ACYP2: variants seen among roughly 807,000 people sequenced by gnomAD.
The protein encoded by ACYP2 is acylphosphatase-2.
ACYP2 carries 12 observed loss-of-function variants against 11.2 expected under a neutral mutation model. The observed-to-expected ratio is 1.08, with a 90% CI of 0.69 to 1.74. ACYP2 has a LOEUF of 1.74. Among genes scored for constraint, ACYP2 ranks in the 40% most tolerant of loss-of-function variants. The pLI is 0.00. For synonymous variants in ACYP2, 43 were observed against 32.2 expected (o/e 1.33, Z -1.13); for missense variants, 134 against 101.9 (o/e 1.31, Z -1.35).
At chr2:54,302,494 C>G (rs930811650) in intron 6 of ACYP2, among the ~76,000 whole-genome samples, 10 of 152,140 alleles carry the variant, frequency 6.6e-5, no homozygotes, top group Admixed American at 1.3e-4. Context: ...TGGAGAACCC[C>G]CAAAGTACAG....
chr2:54,096,704 G>A (rs933903379), intron 4 of ACYP2, among the ~76,000 whole-genome samples: 6 of 152,280 alleles, frequency 3.9e-5, no homozygotes, highest in South Asian at 2.1e-4. Flanking sequence ...GTGGCGGCGC[G>A]CGCCTGCAAT....
At chr2:54,227,141 T>C (rs1201706541) in intron 6 of ACYP2, among the ~76,000 whole-genome samples, 2 of 152,146 alleles carry the variant, frequency 1.3e-5, no homozygotes, top group Non-Finnish European at 2.9e-5. Flanking sequence ...TATTAGGATA[T>C]ATATAATTTT....
At position 54,255,130 on chromosome 2, in the gene ACYP2, T is replaced by C. The variant is rs758496971; in HGVS notation, c.405-49558T>C. 32 of 1,614,016 alleles carry C rather than the reference T, an allele frequency of 2.0e-5. No individual in the cohort carries two copies. Among genetic ancestry groups the C allele is most frequent in the Non-Finnish European group, 2.5e-5 (29 of 1,180,036 alleles). On this transcript the variant is annotated intron_variant, in intron 6 of 6. Transcript: ENST00000607452. ...GCTGCAGATGACATGTCGGTTCCTA[T>C]GAATGAAGGACTGGGGTCCATGGCC...
At chr2:54,224,622 C>G (rs910682105) in intron 6 of ACYP2, among the ~76,000 whole-genome samples, 2 of 152,348 alleles carry the variant, frequency 1.3e-5, no homozygotes, top group East Asian at 1.9e-4. Flanking sequence ...AACAGGAAGA[C>G]AAGTTCTTAA....
At chr2:53,978,652 G>T (rs189617004) in intron 2 of ACYP2, among the ~76,000 whole-genome samples, 1 of 152,212 alleles carries the variant, frequency 6.6e-6, no homozygotes. Context: ...TTGAGAGACC[G>T]AGGTGGGCAG....
intron 6 of ACYP2, among the ~76,000 whole-genome samples, chr2:54,207,476 G>C (rs1685124835): frequency 6.6e-6 from 1 of 152,114 alleles, no homozygotes; most frequent in Admixed American, 6.6e-5. Context: ...AAATTCAACT[G>C]ATTGTAAATG....
At chr2:54,194,484 C>T (rs1684371954) in intron 6 of ACYP2, among the ~76,000 whole-genome samples, 1 of 151,998 alleles carries the variant, frequency 6.6e-6, no homozygotes, top group African/African-American at 2.4e-5. Context: ...CTTTTTCATC[C>T]AGGAGGCACG....
intron 4 of ACYP2, among the ~76,000 whole-genome samples, chr2:54,122,631 T>A (rs1160906037): frequency 6.6e-6 from 1 of 152,206 alleles, no homozygotes; most frequent in African/African-American, 2.4e-5. Context: ...CATCTACCTT[T>A]TCTTTCTATA....
At chr2:54,267,418 G>T in intron 6 of ACYP2, 1 of 1,465,238 alleles carries the variant, frequency 6.8e-7, no homozygotes, top group Non-Finnish European at 9.2e-7. Context: ...TAAAGTAAGG[G>T]GTGGGAACAG....
intron 4 of ACYP2, among the ~76,000 whole-genome samples, chr2:54,103,861 G>A (rs1679024774): frequency 6.6e-6 from 1 of 152,198 alleles, no homozygotes; most frequent in Non-Finnish European, 1.5e-5. Context: ...GCCAAATAGA[G>A]CAGAATAAGC....
At chr2:54,176,195 A>C (rs1020457403) in intron 6 of ACYP2, among the ~76,000 whole-genome samples, 2 of 152,220 alleles carry the variant, frequency 1.3e-5, no homozygotes, top group Admixed American at 1.3e-4. Context: ...CGTATTTCTT[A>C]GCCTGTTTGA....
intron 6 of ACYP2, among the ~76,000 whole-genome samples, chr2:54,177,798 C>G (rs1162651458): frequency 6.8e-6 from 1 of 147,562 alleles, no homozygotes; most frequent in Admixed American, 6.7e-5. Flanking sequence ...AGGCTGGTCT[C>G]GAACTCCTGA....
At chr2:54,267,829 A>G (rs77360295) in intron 6 of ACYP2, among the ~76,000 whole-genome samples, 2,111 of 152,302 alleles carry the variant, frequency 0.014, 44 homozygotes, top group African/African-American at 0.049. Context: ...CAGCTGGGAA[A>G]AAGGTTCAGA....
At chr2:54,007,850 G>C (rs1558467865) in intron 2 of ACYP2, among the ~76,000 whole-genome samples, 1 of 152,040 alleles carries the variant, frequency 6.6e-6, no homozygotes, top group Non-Finnish European at 1.5e-5. Context: ...GGGTGACAGA[G>C]TGAGACTCTG....
intron 6 of ACYP2, among the ~76,000 whole-genome samples, chr2:54,146,759 T>C (rs1681912339): frequency 6.6e-6 from 1 of 152,076 alleles, no homozygotes; most frequent in Non-Finnish European, 1.5e-5. Context: ...ATTATGTGTA[T>C]CTTTCTTTTC....
At chr2:54,205,336 G>A (rs768675275) in intron 6 of ACYP2, among the ~76,000 whole-genome samples, 1 of 152,184 alleles carries the variant, frequency 6.6e-6, no homozygotes, top group African/African-American at 2.4e-5. Flanking sequence ...GATGATGCCC[G>A]GAGAGAAGCA....
chr2:54,096,452 C>A (rs1275197673), intron 4 of ACYP2, among the ~76,000 whole-genome samples: 2 of 152,118 alleles, frequency 1.3e-5, no homozygotes, highest in Admixed American at 6.5e-5. Flanking sequence ...AGAGGCTGTA[C>A]TCTCGGCACT....
chr2:54,073,756 G>A (rs1677184923), intron 4 of ACYP2, among the ~76,000 whole-genome samples: 1 of 152,166 alleles, frequency 6.6e-6, no homozygotes, highest in African/African-American at 2.4e-5. Flanking sequence ...ATTTACAAAT[G>A]GCCAATAAGC....
intron 6 of ACYP2, among the ~76,000 whole-genome samples, chr2:54,143,465 G>A (rs749834914): frequency 3.9e-5 from 6 of 151,914 alleles, no homozygotes; most frequent in Admixed American, 6.6e-5. Context: ...GTGGAGTCTC[G>A]CTTTGTTGCC....
Sources: gnomAD v4.1 joint callset for allele counts (sites outside exome capture counted in the v4.1 genomes callset) on GRCh38, gnomAD v4.1.1 for gene constraint, MANE v1.5 for transcripts, NCBI Gene and HGNC (gene_info 2026-07-23, HGNC 2026-07-21) for gene names.